MYH11: variants seen among roughly 807,000 people sequenced by gnomAD.
The protein encoded by MYH11 is myosin-11.
MYH11 carries 80 observed loss-of-function variants against 246.6 expected under a neutral mutation model. The ratio of observed to expected loss-of-function variants is 0.32; its 90% confidence interval spans 0.27 to 0.39. The LOEUF is 0.39. Ranked by LOEUF, MYH11 falls within the 10% of genes least tolerant of loss-of-function variation. The pLI, the probability that MYH11 is intolerant of heterozygous loss-of-function variation, is 1.00. For missense variants in MYH11, 2,158 were observed against 2,546.8 expected (o/e 0.85, Z 3.29); for synonymous variants, 1,071 against 1,015.5 (o/e 1.05, Z -1.04).
chr16:15,747,012 CA>C (rs2041434565), intron 19 of MYH11, among the ~76,000 whole-genome samples: 4 of 151,832 alleles, frequency 2.6e-5, no homozygotes, highest in Middle Eastern at 3.2e-3. Flanking sequence ...TGCTTGAGTC[CA>C]AGAGGCAGAG....
At chr16:15,809,768 C>T (rs2043096355) in intron 3 of MYH11, among the ~76,000 whole-genome samples, 1 of 151,758 alleles carries the variant, frequency 6.6e-6, no homozygotes. Context: ...ACAAAAAATA[C>T]AAAAATTAGC....
At position 15,747,608 on chromosome 16, in the gene MYH11, C is replaced by A; in HGVS notation, c.2373G>T (p.Met791Ile). ...AGCCACGACACATCGCCTGGAAGGC[C>A]ATGATGACATCGGTGATCTTCAAAT... ...ERDLKITDVI[M>I]AFQAMCRGYL... The change falls in exon 19 of 41, where the codon ATG becomes ATT. Residue 791 changes from methionine to isoleucine, a missense_variant. Met to Ile is a conservative substitution (Grantham distance 10). This residue lies in a region of MYH11 where 90 missense variants were observed against 144.2 expected (regional missense o/e 0.62). Coordinates refer to ENST00000300036, the MANE Select transcript of MYH11 (RefSeq NM_002474.3). The A allele has an allele frequency of 6.2e-7, 1 of 1,614,104 alleles. No homozygotes were observed. The highest frequency in any genetic ancestry group is 8.5e-7 in the Non-Finnish European group (1 of 1,180,008).
intron 27 of MYH11, chr16:15,732,362 AG>A: frequency 1.4e-6 from 1 of 735,088 alleles, no homozygotes; most frequent in Non-Finnish European, 2.3e-6. Flanking sequence ...AGCCTCCCCA[AG>A]TACTGGGATT....
rs570566622 is a variant in MYH11, at chr16:15,813,835, AAG to A, written c.502+9418_502+9419del. 1.1e-4 allele frequency among the ~76,000 whole-genome samples: 16 copies of A among 148,090 alleles called. No homozygotes were observed. The South Asian group carries it at 3.0e-3, about 28-fold the overall frequency. The stretch of plus-strand genomic sequence containing the variant: ...TAACAAGACCCCATTCTCCACACAA[AAG>A]AGGGGGGAAAAGGCAAAAAAAAAAA... On this transcript the variant is annotated intron_variant, in intron 3 of 40. Transcript: ENST00000300036.
intron 12 of MYH11, 24 bp from the exon 13 acceptor site, chr16:15,758,024 G>A (rs771850331): frequency 1.2e-6 from 2 of 1,612,680 alleles, no homozygotes; most frequent in Admixed American, 1.7e-5. Context: ...GTGGGGGCGG[G>A]GCGTGAGCAT....
chr16:15,724,210 T>C lies in MYH11; in HGVS notation c.4316A>G (p.Gln1439Arg), dbSNP rs2040628969. ...TTCCAGGTTGGACACGAGTTGCCGCTGGTTGTCCAAATCAACAACCAGGTC... is the reference window on the plus strand; with the variant it reads ...TTCCAGGTTGGACACGAGTTGCCGCCGGTTGTCCAAATCAACAACCAGGTC... ...LDDLVVDLDN[Q>R]RQLVSNLEKK... The change falls in exon 31 of 41, where the codon CAG becomes CGG. Residue 1439 changes from glutamine to arginine, a missense_variant. Transcript: ENST00000300036. 2.5e-6 allele frequency: 4 copies of C among 1,614,148 alleles called. No homozygotes were observed. The East Asian group carries it at 8.9e-5, about 36-fold the overall frequency.
intron 1 of MYH11, 69 bp downstream of exon 1, chr16:15,856,871 GA>G (rs1480650217): frequency 6.6e-6 from 1 of 151,900 alleles, no homozygotes; most frequent in Non-Finnish European, 1.5e-5. Flanking sequence ...AGCCCCTATA[GA>G]ATACCCTATA....
chr16:15,855,664 T>G (rs2044446897), intron 1 of MYH11, among the ~76,000 whole-genome samples: 3 of 152,232 alleles, frequency 2.0e-5, no homozygotes, highest in African/African-American at 7.2e-5. Flanking sequence ...CAACGGTAGC[T>G]ATCTCAAAGG....
At chr16:15,838,340 T>C in intron 1 of MYH11, 71 bp from the exon 2 acceptor site, 1 of 1,258,168 alleles carries the variant, frequency 7.9e-7, no homozygotes, top group Admixed American at 1.9e-5. Context: ...CCACTCACCT[T>C]GCCCTGTCTA....
intron 27 of MYH11, among the ~76,000 whole-genome samples, chr16:15,730,410 T>G (rs947666360): frequency 3.5e-4 from 51 of 144,670 alleles, no homozygotes; most frequent in African/African-American, 1.3e-3. Flanking sequence ...GGCATGGTGG[T>G]GTGTGCCTGT....
At chr16:15,800,246 G>A (rs1397164096) in intron 3 of MYH11, among the ~76,000 whole-genome samples, 1 of 151,974 alleles carries the variant, frequency 6.6e-6, no homozygotes, top group Non-Finnish European at 1.5e-5. Context: ...AAGAATGGAT[G>A]GATAGGTAAA....
intron 6 of MYH11, among the ~76,000 whole-genome samples, chr16:15,780,474 C>CTTTTTTTTTTTT (rs71134460): frequency 8.7e-5 from 6 of 69,008 alleles, no homozygotes; most frequent in Non-Finnish European, 9.8e-5. Context: ...GATTTTTACG[C>CTTTTTTTTTTTT]TTTTTTTTTT....
chr16:15,815,004 A>G (rs2151345666), intron 3 of MYH11, among the ~76,000 whole-genome samples: 1 of 152,378 alleles, frequency 6.6e-6, no homozygotes, highest in African/African-American at 2.4e-5. Context: ...TTTAACCTCC[A>G]GGCAGAAGAT....
chr16:15,724,693 T>G lies in MYH11; in HGVS notation c.4070A>C (p.Glu1357Ala), dbSNP rs2040660179. Residue 1357 changes from glutamate (E) to alanine (A), a missense_variant, in exon 30 of 41, where the codon GAG becomes GCG. Glu to Ala is a moderately radical substitution (Grantham distance 107). This residue lies in a region of MYH11 where 1,013 missense variants were observed against 993.5 expected (regional missense o/e 1.02). Coordinates refer to ENST00000300036, the MANE Select transcript of MYH11 (RefSeq NM_002474.3). Reference protein sequence around the residue: ...SLQDQLDEEMEAKQNLERHIS... With the variant: ...SLQDQLDEEMAAKQNLERHIS... The stretch of plus-strand genomic sequence containing the variant: ...GTGGCGCTCCAGGTTCTGCTTGGCC[T>G]CCATCTCCTCGTCCAGCTGGTCTTG... The G allele has an allele frequency of 6.2e-7, 1 of 1,614,042 alleles. No homozygotes were observed. The highest frequency in any genetic ancestry group is 1.3e-5 in the African/African-American group (1 of 74,920).
In MYH11 at chr16:15,784,750, G is replaced by A. The variant is rs750447235; in HGVS notation, c.633+1880C>T. 3 of 1,613,412 alleles carry A rather than the reference G, an allele frequency of 1.9e-6. No homozygotes were observed. In the East Asian group the frequency reaches 6.7e-5, roughly 36 times the overall value. ...TTGAACAACACAGTATAAAACAAATGTCAGCGTTATTTCCATCACATGGAC... is the reference window on the plus strand; with the variant it reads ...TTGAACAACACAGTATAAAACAAATATCAGCGTTATTTCCATCACATGGAC... On this transcript the variant is annotated intron_variant, in intron 5 of 40. Coordinates refer to ENST00000300036, the MANE Select transcript of MYH11 (RefSeq NM_002474.3).
rs572173893 is a variant in MYH11 at position 15,731,089 on chromosome 16, T to A, written c.3651+1475A>T. On this transcript the variant is annotated intron_variant, in intron 27 of 40. Coordinates refer to ENST00000300036, the MANE Select transcript of MYH11 (RefSeq NM_002474.3). ...CTCCCTCCTTGGCCTCCCAAAGTGTTAGGATTACGGGAGGCATGAGCCGCC... is the reference window on the plus strand; with the variant it reads ...CTCCCTCCTTGGCCTCCCAAAGTGTAAGGATTACGGGAGGCATGAGCCGCC... Among the ~76,000 whole-genome samples, 6 of 152,306 alleles carry A rather than the reference T, an allele frequency of 3.9e-5. 1 individual carries two copies. In the South Asian group the frequency reaches 1.2e-3, roughly 32 times the overall value.
chr16:15,732,951 G>A (rs1268122098), intron 26 of MYH11: 3 of 582,896 alleles, frequency 5.1e-6, no homozygotes, highest in Non-Finnish European at 9.2e-6. Flanking sequence ...AATACACAAA[G>A]TAATAGAATT....
chr16:15,735,887 A>T (rs2041103833), intron 25 of MYH11, among the ~76,000 whole-genome samples: 1 of 152,242 alleles, frequency 6.6e-6, no homozygotes, highest in African/African-American at 2.4e-5. Flanking sequence ...ACCTGGTCAC[A>T]GTAGGGACTG....
chr16:15,797,193 TATTA>T (rs980460159), intron 4 of MYH11, among the ~76,000 whole-genome samples: 30 of 152,198 alleles, frequency 2.0e-4, no homozygotes, highest in Non-Finnish European at 2.9e-4. Flanking sequence ...ACCCCAAACT[TATTA>T]ATTGTTTCAA....
Sources: allele counts gnomAD v4.1 joint callset (sites outside exome capture counted in the v4.1 genomes callset), GRCh38; gene constraint gnomAD v4.1.1; regional missense constraint gnomAD v4.1.1; transcripts MANE v1.5; gene names NCBI Gene and HGNC (gene_info 2026-07-23, HGNC 2026-07-21).